SLC7A3: variants seen among roughly 807,000 people sequenced by gnomAD.
SLC7A3 encodes the protein solute carrier family 7 member 3.
In SLC7A3, 3 loss-of-function variants were observed where a neutral mutation model predicts 33.2. That is an observed-to-expected ratio of 0.09 (90% CI 0.04 to 0.23). SLC7A3 has a LOEUF of 0.23. Ranked by LOEUF, SLC7A3 falls within the 10% of genes least tolerant of loss-of-function variation. SLC7A3 has a pLI of 1.00. For synonymous variants in SLC7A3, 193 were observed against 195.1 expected, an observed-to-expected ratio of 0.99 and a Z score of 0.09; for missense variants, 360 against 488.8, an observed-to-expected ratio of 0.74 and a Z score of 2.48.
chrX:70,930,507 A>C (rs1244293153), intron 1 of SLC7A3, among the ~76,000 whole-genome samples: 1 of 111,682 alleles, frequency 9.0e-6, no homozygotes, highest in African/African-American at 3.2e-5. Context: ...GCTGCAGATT[A>C]AAAGTGAGCA....
chrX:70,928,354 C>A, intron 4 of SLC7A3, 97 bp from the exon 5 acceptor site: 1 of 1,101,943 alleles, frequency 9.1e-7, no homozygotes, highest in Non-Finnish European at 1.2e-6. Flanking sequence ...CTTCAAAGCC[C>A]AGCCTCCCAT....
Position 70,928,984 on chromosome X carries a change from C to T in SLC7A3, c.389G>A (p.Arg130Gln). The change falls in exon 3 of 12, where the codon CGG (arginine) becomes CAG (glutamine). Residue 130 changes from arginine (R) to glutamine (Q), a missense_variant. Coordinates refer to ENST00000374299, the MANE Select transcript of SLC7A3 (RefSeq NM_032803.6). ...GTTGTCAAAAGCAGAGCTCCAGGCCCGGGCCACACTGGCTGTACCTGGTGT... is the reference window on the plus strand; with the variant it reads ...GTTGTCAAAAGCAGAGCTCCAGGCCTGGGCCACACTGGCTGTACCTGGTGT... The part of the protein sequence containing the change: ...SYVIGTASVA[R>Q]AWSSAFDNLI... 5 of 1,211,773 alleles carry T rather than the reference C, an allele frequency of 4.1e-6. No homozygotes were observed. The highest frequency in any genetic ancestry group is 2.2e-5 in the Admixed American group (1 of 46,055).
chrX:70,929,612 C>T lies in SLC7A3; in HGVS notation c.370+16G>A, dbSNP rs2091906093. On this transcript the variant is annotated intron_variant, in intron 2 of 11. Transcript: ENST00000374299. ...TGCTGGCTGTGCAGTTCCCTCCCTC[C>T]CCCACCATATCTCACCAATGACATA... 1.7e-6 allele frequency: 2 copies of T among 1,196,993 alleles called. No individual in the cohort carries two copies. Among genetic ancestry groups the T allele is most frequent in the African/African-American group, 3.5e-5 (2 of 57,484 alleles).
rs748918741 is a variant in SLC7A3 at position 70,926,949 on chromosome X, C to A, written c.1379G>T (p.Gly460Val). ...TTESEKLTLW[G>V]LFFPLNSIPT... is the part of the protein sequence containing the mutation. ...GATGGAGTTGAGTGGGAAAAATAGT[C>A]CCCATAGGGTCAACTTCTCTGATTC... is the stretch of plus-strand genomic sequence containing the variant. The change falls in exon 9 of 12, where the codon GGA becomes GTA. Residue 460 changes from glycine to valine, a missense_variant. Gly to Val is a moderately radical substitution (Grantham distance 109, BLOSUM62 -3). Coordinates refer to ENST00000374299, the MANE Select transcript of SLC7A3 (RefSeq NM_032803.6). 1.7e-6 allele frequency: 2 copies of A among 1,209,207 alleles called. No homozygotes were observed. The highest frequency in any genetic ancestry group is 2.2e-6 in the Non-Finnish European group (2 of 895,012).
intron 2 of SLC7A3, 142 bp downstream of exon 2, chrX:70,929,486 C>A (rs771777087): frequency 2.9e-6 from 2 of 700,971 alleles, no homozygotes; most frequent in South Asian, 7.0e-5. Context: ...CTTCAACACC[C>A]CCCCCCAGAC....
chrX:70,926,798 C>T, intron 9 of SLC7A3, 77 bp downstream of exon 9: 1 of 1,168,662 alleles, frequency 8.6e-7, no homozygotes, highest in African/African-American at 1.8e-5. Flanking sequence ...CTAGTTCTTC[C>T]TCAGCCACCA....
At position 70,927,301 on chromosome X, in the gene SLC7A3, T is replaced by C; in HGVS notation, c.1267A>G (p.Ile423Val). 1.7e-6 allele frequency: 2 copies of C among 1,209,815 alleles called. No individual in the cohort carries two copies. Among genetic ancestry groups the C allele is most frequent in the Non-Finnish European group, 1.1e-6 (1 of 894,679 alleles). The change falls in exon 8 of 12, where the codon ATT becomes GTT. Residue 423 changes from isoleucine to valine, a missense_variant. By Grantham distance (29) the Ile-to-Val change is conservative (BLOSUM62 3). Coordinates refer to ENST00000374299, the MANE Select transcript of SLC7A3 (RefSeq NM_032803.6). ...TCTCACCTGAGGATGAGAACACAAA[T>C]CGACACCAGGGAGTAAGCAAGCAGG... Reference protein sequence around the residue: ...GTLLAYSLVSICVLILRYQPD... With the variant: ...GTLLAYSLVSVCVLILRYQPD...
intron 5 of SLC7A3, 44 bp from the exon 6 acceptor site, chrX:70,928,064 C>A: frequency 8.4e-7 from 1 of 1,187,321 alleles, no homozygotes; most frequent in Non-Finnish European, 1.1e-6. Flanking sequence ...AGCAGGCCCA[C>A]TCCTCTACCA....
chrX:70,929,744 G>A lies in SLC7A3; in HGVS notation c.254C>T (p.Ala85Val). ...ACGGGGAACCCGGGCACCAAACTCC[G>A]CATAGCACAGCCCAGCCAACACAGA... ...LSSVLAGLCY[A>V]EFGARVPRSG... is the part of the protein sequence containing the mutation. Residue 85 changes from alanine (A) to valine (V), a missense_variant, in exon 2 of 12, where the codon GCG becomes GTG. By Grantham distance (64) the Ala-to-Val change is moderately conservative (BLOSUM62 0). Transcript: ENST00000374299. The A allele has an allele frequency of 2.5e-6, 3 of 1,210,788 alleles. No individual in the cohort carries two copies. The highest frequency in any genetic ancestry group is 1.7e-5 in the African/African-American group (1 of 57,739).
Position 70,926,637 on chromosome X carries a change from A to G in SLC7A3, c.1510T>C (p.Ser504Pro). Reference protein sequence around the residue: ...VLAQWSVPLLSGDLLWTAVVV... With the variant: ...VLAQWSVPLLPGDLLWTAVVV... Reference sequence around the variant, plus strand: ...ACTGCAGTCCACAGCAGGTCTCCAGAAAGCAATGGAACTGACCACTGGGCC... The same window carrying G: ...ACTGCAGTCCACAGCAGGTCTCCAGGAAGCAATGGAACTGACCACTGGGCC... Residue 504 changes from serine (S) to proline (P), a missense_variant, in exon 10 of 12, where the codon TCT (serine) becomes CCT (proline). Ser to Pro is a moderately conservative substitution (Grantham distance 74, BLOSUM62 -1). Transcript: ENST00000374299. 3 of 1,193,688 alleles carry G rather than the reference A, an allele frequency of 2.5e-6. No homozygotes were observed. Among genetic ancestry groups the G allele is most frequent in the Non-Finnish European group, 2.3e-6 (2 of 886,620 alleles).
Position 70,928,934 on chromosome X carries a change from T to A in SLC7A3, c.439A>T (p.Thr147Ser), listed in dbSNP as rs1330204952. The A allele has an allele frequency of 8.3e-7, 1 of 1,210,404 alleles. No individual in the cohort carries two copies. The highest frequency in any genetic ancestry group is 1.8e-5 in the South Asian group (1 of 56,917). ...DNLIGNHISK[T>S]LQGSIALHVP... The stretch of plus-strand genomic sequence containing the variant: ...TGCAGTGCAATGGACCCCTGCAGAG[T>A]CTTAGAGATGTGGTTCCCAATCAGG... The change falls in exon 3 of 12, where the codon ACT (threonine) becomes TCT (serine). Residue 147 changes from threonine to serine, a missense_variant. Coordinates refer to ENST00000374299, the MANE Select transcript of SLC7A3 (RefSeq NM_032803.6).
rs1007488880 is a variant in SLC7A3, at chrX:70,929,723, G to A, written c.275C>T (p.Pro92Leu). The A allele has an allele frequency of 1.3e-5, 16 of 1,209,525 alleles. No individual in the cohort carries two copies. The highest frequency in any genetic ancestry group is 1.7e-5 in the Non-Finnish European group (15 of 895,071). The change falls in exon 2 of 12, where the codon CCC becomes CTC. Residue 92 changes from proline to leucine, a missense_variant. Physicochemically the swap from Pro to Leu is moderately conservative, Grantham distance 98. Transcript: ENST00000374299. Reference sequence around the variant, plus strand: ...GTAGAGATATGCCGAACCAGAACGGGGAACCCGGGCACCAAACTCCGCATA... The same window carrying A: ...GTAGAGATATGCCGAACCAGAACGGAGAACCCGGGCACCAAACTCCGCATA... ...LCYAEFGARV[P>L]RSGSAYLYSY...
chrX:70,930,230 G>C (rs1258452190), intron 1 of SLC7A3, among the ~76,000 whole-genome samples: 3 of 111,912 alleles, frequency 2.7e-5, no homozygotes, highest in Non-Finnish European at 5.6e-5. Flanking sequence ...GTTTTTGGAA[G>C]GGCTAATTTC....
Position 70,927,533 on chromosome X carries a change from G to C in SLC7A3, c.1134C>G (p.Thr378=), listed in dbSNP as rs200410875. Residue 378 remains threonine, a synonymous_variant, in exon 7 of 12, where the codon ACC becomes ACG. Transcript: ENST00000374299. ...TGGCTATGATTGGGGTGCGTGTGCC[G>C]GTGTGGATCCGAGCAAGTACACGGA... ...LLFRVLARIH[T]GTRTPIIATV... 8.3e-7 allele frequency: 1 copy of C among 1,211,190 alleles called. No individual in the cohort carries two copies. The highest frequency in any genetic ancestry group is 1.8e-5 in the South Asian group (1 of 56,768).
rs1396466087 is a variant in SLC7A3, at chrX:70,925,697, A to T, written c.*116T>A. ...AGCAAAGACACATCCTTCACATCGT[A>T]CAGAACTGTATTAGTATCCACCACC... On this transcript the variant is annotated 3_prime_UTR_variant, in exon 12 of 12. Coordinates refer to ENST00000374299, the MANE Select transcript of SLC7A3 (RefSeq NM_032803.6). 3.2e-5 allele frequency: 27 copies of T among 856,964 alleles called. No homozygotes were observed. The allele number at this position is 856,964 out of a possible 1,213,427, so 70.6% of individuals were successfully genotyped here. A position where few individuals can be genotyped will look rare whatever the true frequency, so the allele number is the denominator to read the frequency against.
chrX:70,929,306 G>C (rs757455224), intron 2 of SLC7A3, among the ~76,000 whole-genome samples: 4 of 111,809 alleles, frequency 3.6e-5, no homozygotes, highest in Non-Finnish European at 7.5e-5. Context: ...GGCCAGGCTG[G>C]TCTTGAACTC....
At chrX:70,928,765 C>G (rs765768054) in intron 3 of SLC7A3, 79 bp downstream of exon 3, 1 of 1,150,532 alleles carries the variant, frequency 8.7e-7, no homozygotes, top group Non-Finnish European at 1.2e-6. Flanking sequence ...TCAGGCCCAT[C>G]CCCCATCCTT....
chrX:70,927,597 G>A lies in SLC7A3; in HGVS notation c.1070C>T (p.Pro357Leu). 1 of 1,210,498 alleles carries A rather than the reference G, an allele frequency of 8.3e-7. No homozygotes were observed. Among genetic ancestry groups the A allele is most frequent in the South Asian group, 1.8e-5 (1 of 56,535 alleles). ...TSLLGSMFPM[P>L]RVIYAMAEDG... is the part of the protein sequence containing the mutation. ...CTCTGCCATCGCGTAGATCACCCGA[G>A]GCATGGGGAACATGGAGCCCAGGAG... The change falls in exon 7 of 12, where the codon CCT (proline) becomes CTT (leucine). Residue 357 changes from proline (P) to leucine (L), a missense_variant. Transcript: ENST00000374299.
chrX:70,930,190 A>G (rs2091907914), intron 1 of SLC7A3, among the ~76,000 whole-genome samples, 168 bp from the exon 2 acceptor site: 1 of 112,001 alleles, frequency 8.9e-6, no homozygotes, highest in Non-Finnish European at 1.9e-5. Context: ...GTTTCTTCAT[A>G]AACAAGTAGG....
Sources: gnomAD v4.1 joint callset for allele counts (sites outside exome capture counted in the v4.1 genomes callset) on GRCh38, gnomAD v4.1.1 for gene constraint, MANE v1.5 for transcripts, NCBI Gene and HGNC (gene_info 2026-07-23, HGNC 2026-07-21) for gene names.